Variants in ATP8B4 observed in about 807,000 individuals in gnomAD.
ATP8B4 encodes the protein ATPase phospholipid transporting 8B4 (putative).
ATP8B4 carries 133 observed loss-of-function variants against 145.6 expected under a neutral mutation model. The observed-to-expected ratio is 0.91, with a 90% confidence interval of 0.79 to 1.05. ATP8B4 has a LOEUF of 1.05. Ranked by LOEUF, ATP8B4 falls within the 50% of genes least tolerant of loss-of-function variation. ATP8B4 has a pLI of 0.00. For missense variants in ATP8B4, 1,458 were observed against 1,425.2 expected (o/e 1.02, Z -0.37); for synonymous variants, 507 against 492.9 (o/e 1.03, Z -0.38).
At position 49,997,898 on chromosome 15, in the gene ATP8B4, A is replaced by T. The variant is rs1417316413; in HGVS notation, c.507-1139T>A. Among the ~76,000 whole-genome samples, 5 of 152,266 alleles carry T rather than the reference A, an allele frequency of 3.3e-5. No homozygotes were observed. The East Asian group carries it at 9.6e-4, about 29-fold the overall frequency. On this transcript the variant is annotated intron_variant, in intron 8 of 27. Transcript: ENST00000284509. ...ACCTGCTGATTTCTAGGACGCAGAGATGAGTAGGAATTGAGATAGTCAAGA... is the reference window on the plus strand; with the variant it reads ...ACCTGCTGATTTCTAGGACGCAGAGTTGAGTAGGAATTGAGATAGTCAAGA...
chr15:49,923,890 T>A (rs2040477863), intron 16 of ATP8B4, among the ~76,000 whole-genome samples: 2 of 152,162 alleles, frequency 1.3e-5, no homozygotes, highest in South Asian at 4.1e-4. Context: ...TTCAAATCAG[T>A]ATCAGTGCTA....
chr15:49,908,353 T>C (rs1485801137), intron 20 of ATP8B4, among the ~76,000 whole-genome samples: 1 of 152,082 alleles, frequency 6.6e-6, no homozygotes, highest in Non-Finnish European at 1.5e-5. Flanking sequence ...AAATATGTCA[T>C]CTAAGAGAAA....
chr15:49,950,590 T>TAAAAAAAAAAAA (rs766902500), intron 14 of ATP8B4, among the ~76,000 whole-genome samples: 3 of 46,328 alleles, frequency 6.5e-5, no homozygotes, highest in African/African-American at 1.1e-4. Context: ...ATGTATTAAC[T>TAAAAAAAAAAAA]AAAAAAAAAA....
chr15:50,173,037 G>C (rs963758867), intron 1 of ATP8B4, among the ~76,000 whole-genome samples: 3 of 123,154 alleles, frequency 2.4e-5, no homozygotes, highest in Admixed American at 2.4e-4. Context: ...CGGGAGGTGG[G>C]GGCAGCCTCC....
chr15:50,040,542 G>A (rs984201521), intron 5 of ATP8B4, among the ~76,000 whole-genome samples: 1 of 152,170 alleles, frequency 6.6e-6, no homozygotes, highest in Admixed American at 6.5e-5. Context: ...ATCACAAAAG[G>A]TGAAAGCACA....
At chr15:49,862,214 C>A in intron 27 of ATP8B4, 31 bp downstream of exon 27, 1 of 1,599,574 alleles carries the variant, frequency 6.3e-7, no homozygotes, top group Non-Finnish European at 8.5e-7. Flanking sequence ...CAAAAACCAG[C>A]CTTCAAGTAT....
At position 49,952,568 on chromosome 15, in the gene ATP8B4, A is replaced by G. The variant is rs1279529494; in HGVS notation, c.1287+9409T>C. ...ATCAGGTCATTTATGTTCCTCTCTA[A>G]ACTGATTATTCCAGTTAGCAATTCC... On this transcript the variant is annotated intron_variant, in intron 14 of 27. Coordinates refer to ENST00000284509, the MANE Select transcript of ATP8B4 (RefSeq NM_024837.4). Among the ~76,000 whole-genome samples, 4 of 152,084 alleles carry G rather than the reference A, an allele frequency of 2.6e-5. 1 individual carries two copies. The highest frequency in any genetic ancestry group is 7.2e-5 in the African/African-American group (3 of 41,420).
intron 26 of ATP8B4, among the ~76,000 whole-genome samples, chr15:49,865,456 C>A (rs2032625110): frequency 6.6e-6 from 1 of 152,150 alleles, no homozygotes; most frequent in African/African-American, 2.4e-5. Context: ...GGGGGGAAAC[C>A]CCAATTTATA....
At chr15:50,147,709 C>T (rs1567407050) in intron 1 of ATP8B4, among the ~76,000 whole-genome samples, 1 of 151,960 alleles carries the variant, frequency 6.6e-6, no homozygotes. Context: ...ATCAATGACA[C>T]AAAAGAATAT....
chr15:49,876,750 A>G, intron 24 of ATP8B4: 1 of 703,200 alleles, frequency 1.4e-6, no homozygotes, highest in Non-Finnish European at 2.5e-6. Context: ...AGAGAGATTC[A>G]TGAGAGGTCA....
chr15:50,154,905 T>A (rs866783333), intron 1 of ATP8B4, among the ~76,000 whole-genome samples: 1 of 152,044 alleles, frequency 6.6e-6, no homozygotes, highest in Non-Finnish European at 1.5e-5. Flanking sequence ...GCAATTTGTT[T>A]AAGTTTTTTA....
intron 13 of ATP8B4, among the ~76,000 whole-genome samples, chr15:49,963,042 C>G (rs959190480): frequency 1.3e-5 from 2 of 151,984 alleles, no homozygotes; most frequent in African/African-American, 4.8e-5. Context: ...TATCCAGAAT[C>G]TACAAGGAAC....
chr15:50,010,033 C>A (rs2048610392), intron 7 of ATP8B4, among the ~76,000 whole-genome samples: 1 of 152,128 alleles, frequency 6.6e-6, no homozygotes, highest in Non-Finnish European at 1.5e-5. Context: ...GGACTCTTAA[C>A]TGAGTTGTTA....
chr15:50,080,997 C>T (rs1295071066), intron 2 of ATP8B4, among the ~76,000 whole-genome samples: 2 of 151,910 alleles, frequency 1.3e-5, no homozygotes, highest in South Asian at 2.1e-4. Flanking sequence ...CCTCTAGTCC[C>T]AGCTACTATG....
At position 49,970,378 on chromosome 15, in the gene ATP8B4, G is replaced by A. The variant is rs557500076; in HGVS notation, c.1243+2204C>T. Among the ~76,000 whole-genome samples the A allele has an allele frequency of 5.3e-5, 8 of 152,256 alleles. No individual in the cohort carries two copies. In the South Asian group the frequency reaches 6.2e-4, roughly 12 times the overall value. On this transcript the variant is annotated intron_variant, in intron 13 of 27. Transcript: ENST00000284509. ...GATTGCATATTTAGAAAACCCCATC[G>A]TCTCAGCCTCAAATCCCCTTAAGCT...
chr15:50,002,824 G>A (rs1020356268), intron 7 of ATP8B4, among the ~76,000 whole-genome samples: 9 of 152,116 alleles, frequency 5.9e-5, no homozygotes, highest in African/African-American at 1.7e-4. Context: ...TGTAGTCAAA[G>A]GCAGTGGGAA....
At chr15:49,962,183 A>T (rs1425557564) in intron 13 of ATP8B4, among the ~76,000 whole-genome samples, 163 bp from the exon 14 acceptor site, 1 of 152,256 alleles carries the variant, frequency 6.6e-6, no homozygotes, top group Non-Finnish European at 1.5e-5. Flanking sequence ...AATTGTAACC[A>T]TAAACATGGC....
At chr15:50,082,273 G>GA (rs1225223727) in intron 2 of ATP8B4, among the ~76,000 whole-genome samples, 1 of 152,076 alleles carries the variant, frequency 6.6e-6, no homozygotes, top group East Asian at 1.9e-4. Flanking sequence ...TGATACAATT[G>GA]AAAAATGTGT....
At chr15:50,091,454 G>A (rs1358333048) in intron 2 of ATP8B4, among the ~76,000 whole-genome samples, 2 of 152,084 alleles carry the variant, frequency 1.3e-5, no homozygotes, top group Non-Finnish European at 2.9e-5. Context: ...CAATTAGATT[G>A]TATACTTGGA....
Sources: allele counts gnomAD v4.1 joint callset (sites outside exome capture counted in the v4.1 genomes callset), GRCh38; gene constraint gnomAD v4.1.1; transcripts MANE v1.5; gene names NCBI Gene and HGNC (gene_info 2026-07-23, HGNC 2026-07-21).